The following MAPRE2 variants were observed in gnomAD, a reference collection of about 807,000 sequenced individuals.
The protein encoded by MAPRE2 is microtubule associated protein RP/EB family member 2.
Under a neutral mutation model 43.2 loss-of-function variants are expected in MAPRE2, and 13 were observed. The ratio of observed to expected loss-of-function variants is 0.30; its 90% confidence interval spans 0.20 to 0.48. MAPRE2 has a LOEUF of 0.48. Ranked by LOEUF, MAPRE2 falls within the 20% of genes least tolerant of loss-of-function variation. The pLI is 0.99. For synonymous variants in MAPRE2, 135 were observed against 148.8 expected, an observed-to-expected ratio of 0.91 and a Z score of 0.68; for missense variants, 161 against 400.2, an observed-to-expected ratio of 0.40 and a Z score of 5.10.
At chr18:35,131,237 C>T (rs111580859) in intron 5 of MAPRE2, among the ~76,000 whole-genome samples, 21 of 152,270 alleles carry the variant, frequency 1.4e-4, no homozygotes, top group African/African-American at 4.3e-4. Context: ...ATCTAAGGGA[C>T]GGAGAGTCCT....
At position 34,986,103 on chromosome 18, in the gene MAPRE2, A is replaced by G. The variant is rs150678556; in HGVS notation, c.-70+9024A>G. Among the ~76,000 whole-genome samples, 737 of 152,232 alleles carry G rather than the reference A, an allele frequency of 4.8e-3. 6 individuals carry two copies. The highest frequency in any genetic ancestry group is 0.017 in the African/African-American group (702 of 41,516). On this transcript the variant is annotated intron_variant, in intron 1 of 7. Transcript: ENST00000413393. ...TGAAGTAGGTAGGAGGTAGGTAAAT[A>G]CACAAGAAAAGGTACCTAGAAATGA...
Position 35,140,582 on chromosome 18 carries a change from G to A in MAPRE2, c.*213G>A. On this transcript the variant is annotated 3_prime_UTR_variant, in exon 7 of 7. Coordinates refer to ENST00000300249, the MANE Select transcript of MAPRE2 (RefSeq NM_014268.4). ...CGGCCCTCTGGCCACCTACCCGAGA[G>A]ATCGTAGGGTCACATACATCCAACT... is the stretch of plus-strand genomic sequence containing the variant. 7.3e-6 allele frequency: 4 copies of A among 544,952 alleles called. No homozygotes were observed. Among genetic ancestry groups the A allele is most frequent in the Non-Finnish European group, 1.3e-5 (4 of 304,402 alleles). 33.8% of individuals were successfully genotyped at this position (544,952 alleles called of 1,614,324 possible). A position where few individuals can be genotyped will look rare whatever the true frequency, so the allele number is the denominator to read the frequency against.
chr18:35,128,928 C>T (rs1039732502), intron 5 of MAPRE2, among the ~76,000 whole-genome samples: 2 of 152,164 alleles, frequency 1.3e-5, no homozygotes, highest in African/African-American at 2.4e-5. Context: ...TGTAGGCTCC[C>T]GCTAGCTCTC....
At chr18:35,063,691 G>T (rs1906674223) in intron 1 of MAPRE2, among the ~76,000 whole-genome samples, 1 of 151,854 alleles carries the variant, frequency 6.6e-6, no homozygotes, top group African/African-American at 2.4e-5. Context: ...GACTTTAGAT[G>T]ATATAAAAAC....
intron 1 of MAPRE2, among the ~76,000 whole-genome samples, chr18:34,985,192 T>TATAAAATATATATAATAAAA (rs2097018967): frequency 1.3e-5 from 1 of 74,374 alleles, no homozygotes; most frequent in Non-Finnish European, 2.3e-5. Flanking sequence ...AAATATAATA[T>TATAAAATATATATAATAAAA]ATAAAATATA....
At chr18:35,117,136 G>C (rs1416517783) in intron 4 of MAPRE2, among the ~76,000 whole-genome samples, 6 of 152,174 alleles carry the variant, frequency 3.9e-5, no homozygotes, top group Admixed American at 3.9e-4. Context: ...TGATTAATGG[G>C]TTATGGGAAG....
At chr18:35,078,140 A>G (rs1907462474) in intron 2 of MAPRE2, among the ~76,000 whole-genome samples, 2 of 152,200 alleles carry the variant, frequency 1.3e-5, no homozygotes, top group African/African-American at 4.8e-5. Context: ...TATCTGAGGA[A>G]AGACTTAAGA....
intron 4 of MAPRE2, among the ~76,000 whole-genome samples, chr18:35,106,707 C>T (rs1255231057): frequency 1.3e-5 from 2 of 151,980 alleles, no homozygotes; most frequent in Non-Finnish European, 2.9e-5. Flanking sequence ...CTCTGTGTGT[C>T]GTTGGGGACT....
At chr18:35,101,234 T>C (rs1310027070) in intron 3 of MAPRE2, among the ~76,000 whole-genome samples, 1 of 152,140 alleles carries the variant, frequency 6.6e-6, no homozygotes, top group African/African-American at 2.4e-5. Flanking sequence ...AATAATGATG[T>C]TTTGGTTTAG....
intron 5 of MAPRE2, chr18:35,131,776 A>T: frequency 2.2e-6 from 1 of 450,272 alleles, no homozygotes; most frequent in Admixed American, 3.7e-5. Flanking sequence ...CCGCACAAGC[A>T]GAAAGACCAC....
At chr18:35,090,220 A>G (rs1908079097) in intron 2 of MAPRE2, among the ~76,000 whole-genome samples, 1 of 152,188 alleles carries the variant, frequency 6.6e-6, no homozygotes, top group Non-Finnish European at 1.5e-5. Flanking sequence ...AATAGTGGCA[A>G]TGGATGAACA....
At chr18:35,089,411 G>C (rs1908035001) in intron 2 of MAPRE2, among the ~76,000 whole-genome samples, 1 of 152,104 alleles carries the variant, frequency 6.6e-6, no homozygotes, top group African/African-American at 2.4e-5. Context: ...TCATATATCT[G>C]ATAAGGAAAT....
chr18:35,044,138 C>T (rs1009922205), intron 1 of MAPRE2, among the ~76,000 whole-genome samples: 3 of 152,134 alleles, frequency 2.0e-5, no homozygotes, highest in Non-Finnish European at 4.4e-5. Flanking sequence ...TTGAGTGAGC[C>T]CAGTTCCCTG....
intron 2 of MAPRE2, among the ~76,000 whole-genome samples, chr18:35,085,514 A>T (rs999324554): frequency 5.9e-5 from 9 of 152,246 alleles, no homozygotes; most frequent in Non-Finnish European, 8.8e-5. Flanking sequence ...AGATAGGGTC[A>T]CCAGAACTGA....
At chr18:35,131,476 G>T (rs550782802) in intron 5 of MAPRE2, among the ~76,000 whole-genome samples, 6 of 152,176 alleles carry the variant, frequency 3.9e-5, no homozygotes, top group African/African-American at 1.2e-4. Context: ...TCTGCTTGAG[G>T]CCCCATTCTT....
intron 4 of MAPRE2, among the ~76,000 whole-genome samples, chr18:35,104,470 A>ATAT (rs1908815697): frequency 6.6e-6 from 1 of 152,142 alleles, no homozygotes; most frequent in Non-Finnish European, 1.5e-5. Flanking sequence ...TTTTAGGATA[A>ATAT]GGCAATGTAA....
chr18:34,990,879 T>A (rs1255318203), intron 1 of MAPRE2, among the ~76,000 whole-genome samples: 2 of 152,162 alleles, frequency 1.3e-5, no homozygotes, highest in African/African-American at 4.8e-5. Context: ...CACAAAAAAT[T>A]AAGCAATAAC....
chr18:35,106,708 G>A (rs1021167203), intron 4 of MAPRE2, among the ~76,000 whole-genome samples: 6 of 152,184 alleles, frequency 3.9e-5, no homozygotes, highest in East Asian at 1.9e-4. Flanking sequence ...TCTGTGTGTC[G>A]TTGGGGACTT....
chr18:35,091,032 CAT>C (rs988407811), intron 2 of MAPRE2, among the ~76,000 whole-genome samples: 7 of 152,098 alleles, frequency 4.6e-5, no homozygotes, highest in East Asian at 1.9e-4. Context: ...ACAATGGAAA[CAT>C]ATAAAACATT....
Sources: allele counts gnomAD v4.1 joint callset (sites outside exome capture counted in the v4.1 genomes callset), GRCh38; gene constraint gnomAD v4.1.1; transcripts MANE v1.5; gene names NCBI Gene and HGNC (gene_info 2026-07-23, HGNC 2026-07-21).